PTPN1: variants seen among roughly 807,000 people sequenced by gnomAD.
PTPN1 encodes the protein protein tyrosine phosphatase non-receptor type 1, also known as tyrosine-protein phosphatase non-receptor type 1.
A neutral mutation model predicts 59.9 loss-of-function variants in PTPN1; 12 were observed. The ratio of observed to expected loss-of-function variants is 0.20; its 90% CI spans 0.13 to 0.32. The LOEUF is 0.32. Ranked by LOEUF, PTPN1 falls within the 10% of genes least tolerant of loss-of-function variation. The pLI, the probability that PTPN1 is intolerant of heterozygous loss-of-function variation, is 1.00. For synonymous variants in PTPN1, 178 were observed against 203.6 expected, an observed-to-expected ratio of 0.87 and a Z score of 1.07; for missense variants, 356 against 549.2, an observed-to-expected ratio of 0.65 and a Z score of 3.52.
At chr20:50,553,676 G>C (rs1403059532) in intron 1 of PTPN1, among the ~76,000 whole-genome samples, 1 of 152,100 alleles carries the variant, frequency 6.6e-6, no homozygotes, top group Non-Finnish European at 1.5e-5. Context: ...AGAAAAATCA[G>C]ACATTAGAAG....
Position 50,583,054 on chromosome 20 carries a change from G to A in PTPN1, c.*339G>A, listed in dbSNP as rs1028359805. ...GGCTCCCTCCTGGAGCATCCCAGGC[G>A]GGCGGCACGCCAACAGCCCCCCCCT... On this transcript the variant is annotated 3_prime_UTR_variant, in exon 10 of 10. Transcript: ENST00000371621. 9 of 332,524 alleles carry A rather than the reference G, an allele frequency of 2.7e-5. No individual in the cohort carries two copies. Among genetic ancestry groups the A allele is most frequent in the Admixed American group, 1.3e-4 (3 of 22,828 alleles). The allele number at this position is 332,524 out of a possible 1,614,324, so 20.6% of individuals were successfully genotyped here.
intron 1 of PTPN1, among the ~76,000 whole-genome samples, chr20:50,530,502 G>T (rs1042142086): frequency 9.9e-5 from 15 of 152,022 alleles, no homozygotes; most frequent in Admixed American, 9.8e-4. Context: ...GGGACTACAG[G>T]CACATGCCAC....
At chr20:50,524,101 C>T (rs573251531) in intron 1 of PTPN1, among the ~76,000 whole-genome samples, 22 of 152,286 alleles carry the variant, frequency 1.4e-4, no homozygotes, top group African/African-American at 5.3e-4. Context: ...TTACTTTTAA[C>T]CTCGACTGCC....
At chr20:50,550,789 A>G (rs2082698995) in intron 1 of PTPN1, among the ~76,000 whole-genome samples, 1 of 152,234 alleles carries the variant, frequency 6.6e-6, no homozygotes, top group Non-Finnish European at 1.5e-5. Context: ...CCTGGCTGCT[A>G]ATGGGTTGCT....
At chr20:50,542,398 G>C (rs1327535539) in intron 1 of PTPN1, among the ~76,000 whole-genome samples, 1 of 152,140 alleles carries the variant, frequency 6.6e-6, no homozygotes, top group Non-Finnish European at 1.5e-5. Flanking sequence ...CCGAGTTTAT[G>C]TACTGCTGTT....
intron 1 of PTPN1, among the ~76,000 whole-genome samples, chr20:50,531,354 G>A (rs886453048): frequency 1.6e-4 from 25 of 152,086 alleles, no homozygotes; most frequent in African/African-American, 5.6e-4. Flanking sequence ...CCTTCAAGGC[G>A]GGGTTGTTGG....
rs1481119168 is a variant in PTPN1, at chr20:50,582,161, G to C, written c.1285-531G>C. Among the ~76,000 whole-genome samples the C allele has an allele frequency of 6.6e-6, 1 of 152,202 alleles. No homozygotes were observed. The highest frequency in any genetic ancestry group is 1.5e-5 in the Non-Finnish European group (1 of 68,038). Reference sequence around the variant, plus strand: ...GGGTTTCCATTGTCCTTTCTCCATTGCTCCCTCCTGTGACAGCCATCTTGC... The same window carrying C: ...GGGTTTCCATTGTCCTTTCTCCATTCCTCCCTCCTGTGACAGCCATCTTGC... On this transcript the variant is annotated intron_variant, in intron 9 of 9. Coordinates refer to ENST00000371621, the MANE Select transcript of PTPN1 (RefSeq NM_002827.4). This position sits in a 1 kb window ranked among gnomAD's most constrained non-coding sequence, Gnocchi z 4.2.
chr20:50,569,146 G>A (rs1356892265), intron 4 of PTPN1, among the ~76,000 whole-genome samples: 2 of 152,180 alleles, frequency 1.3e-5, no homozygotes, highest in Non-Finnish European at 2.9e-5. Context: ...CTTTCAGAAT[G>A]AGCTTTCTCA....
intron 1 of PTPN1, among the ~76,000 whole-genome samples, chr20:50,543,552 C>T (rs1012833543): frequency 3.9e-5 from 6 of 152,110 alleles, no homozygotes; most frequent in Admixed American, 6.6e-5. Context: ...TGCAGCCTTT[C>T]GAGCTGCTGA....
rs2082852763 is a variant in PTPN1, at chr20:50,579,215, G to A, written c.750G>A (p.Leu250=). 1.2e-6 allele frequency: 2 copies of A among 1,614,136 alleles called. No homozygotes were observed. Among genetic ancestry groups the A allele is most frequent in the African/African-American group, 1.3e-5 (1 of 74,940 alleles). Residue 250 remains leucine (L), a synonymous_variant, in exon 7 of 10, where the codon CTG becomes CTA. Transcript: ENST00000371621. ...CTTCCGTTGATATCAAGAAAGTGCT[G>A]TTAGAAATGAGGAAGTTTCGGATGG... ...DPSSVDIKKV[L]LEMRKFRMGL...
At chr20:50,579,036 C>T (rs2082851584) in intron 6 of PTPN1, 132 bp from the exon 7 acceptor site, 15 of 1,098,740 alleles carry the variant, frequency 1.4e-5, no homozygotes, top group Non-Finnish European at 1.9e-5. Context: ...ACACCTCCCA[C>T]CCAGCCCCAC....
chr20:50,558,098 T>G (rs1204729693), intron 1 of PTPN1: 1 of 152,212 alleles, frequency 6.6e-6, no homozygotes, highest in Non-Finnish European at 1.5e-5. Flanking sequence ...GCTTCCCAAG[T>G]AGCTGGGATT....
chr20:50,523,924 G>A (rs551732920), intron 1 of PTPN1, among the ~76,000 whole-genome samples: 213 of 152,262 alleles, frequency 1.4e-3, no homozygotes, highest in African/African-American at 4.6e-3. Context: ...CTTCTTGTCC[G>A]TCTCTGTTCA....
At chr20:50,581,561 A>G in intron 9 of PTPN1, 101 bp downstream of exon 9, 1 of 1,299,906 alleles carries the variant, frequency 7.7e-7, no homozygotes, top group Non-Finnish European at 1.0e-6. Flanking sequence ...CATCTGAGCC[A>G]GTCTCAGAAG....
chr20:50,530,368 C>T (rs528035538), intron 1 of PTPN1, among the ~76,000 whole-genome samples: 3 of 151,566 alleles, frequency 2.0e-5, no homozygotes, highest in Admixed American at 2.0e-4. Context: ...ATTTGTTTTT[C>T]TTTTCTTGAG....
intron 4 of PTPN1, chr20:50,572,514 A>G (rs1014958268): frequency 4.6e-5 from 7 of 152,202 alleles, no homozygotes; most frequent in African/African-American, 1.7e-4. Context: ...AGGGTTATTA[A>G]GCATTAGGTT....
intron 1 of PTPN1, among the ~76,000 whole-genome samples, chr20:50,542,450 G>A (rs2082657265): frequency 6.6e-6 from 1 of 152,058 alleles, no homozygotes. Flanking sequence ...AAAGTTCTTT[G>A]TTCATCCTGA....
chr20:50,514,229 C>G lies in PTPN1; in HGVS notation c.63+3639C>G, dbSNP rs149314485. On this transcript the variant is annotated intron_variant, in intron 1 of 9. Transcript: ENST00000371621. ...GTCAGCTGGGGGATAATGGTAATGC[C>G]GCTGTTTCTTAGCTGCAAGTTATCT... Among the ~76,000 whole-genome samples the G allele has an allele frequency of 2.0e-5, 3 of 152,264 alleles. No individual in the cohort carries two copies. The South Asian group carries it at 6.2e-4, about 32-fold the overall frequency.
At chr20:50,554,725 C>T (rs1170841551) in intron 1 of PTPN1, among the ~76,000 whole-genome samples, 1 of 152,012 alleles carries the variant, frequency 6.6e-6, no homozygotes, top group Non-Finnish European at 1.5e-5. Flanking sequence ...GTAAAATGCA[C>T]TATTATTTGA....
Sources: allele counts gnomAD v4.1 joint callset (sites outside exome capture counted in the v4.1 genomes callset), GRCh38; gene constraint gnomAD v4.1.1; non-coding constraint Gnocchi (gnomAD v3.1); transcripts MANE v1.5; gene names NCBI Gene and HGNC (gene_info 2026-07-23, HGNC 2026-07-21).